CC2D2B: variants seen among roughly 807,000 people sequenced by gnomAD.
CC2D2B encodes the protein coiled-coil and C2 domain containing 2B.
In CC2D2B, 128 loss-of-function variants were observed where a neutral mutation model predicts 161.2. That is an observed-to-expected ratio of 0.79 (90% CI 0.69 to 0.92). The LOEUF (loss-of-function observed/expected upper bound fraction) is 0.92. Ranked by LOEUF, CC2D2B falls within the 40% of genes least tolerant of loss-of-function variation. The pLI, the probability that CC2D2B is intolerant of heterozygous loss-of-function variation, is 0.00. For synonymous variants in CC2D2B, 391 were observed against 449.8 expected, an observed-to-expected ratio of 0.87 and a Z score of 1.65; for missense variants, 1,173 against 1,375.1, an observed-to-expected ratio of 0.85 and a Z score of 2.32.
chr10:96,021,506 G>T (rs1015240273), intron 32 of CC2D2B: 5 of 152,258 alleles, frequency 3.3e-5, no homozygotes, highest in Admixed American at 6.5e-5. Context: ...AGCTTTGAAG[G>T]TTCCCCAGTT....
intron 27 of CC2D2B, 30 bp downstream of exon 27, chr10:96,012,397 A>T (rs571090048): frequency 1.0e-5 from 7 of 687,920 alleles, no homozygotes; most frequent in South Asian, 3.5e-5. Context: ...TCTTTTATAT[A>T]TACCATCAAA....
intron 9 of CC2D2B, among the ~76,000 whole-genome samples, chr10:95,939,374 T>G (rs2075942799): frequency 6.6e-6 from 1 of 152,300 alleles, no homozygotes; most frequent in East Asian, 1.9e-4. Context: ...ATACCTTTAT[T>G]TATTAACCAT....
intron 6 of CC2D2B, 133 bp downstream of exon 6, chr10:95,927,465 G>A: frequency 3.2e-6 from 2 of 619,604 alleles, no homozygotes; most frequent in Non-Finnish European, 5.8e-6. Context: ...TTTGAATTAA[G>A]AAGCTGTTCA....
At chr10:95,943,783 G>A (rs1290814025) in intron 9 of CC2D2B, among the ~76,000 whole-genome samples, 2 of 151,802 alleles carry the variant, frequency 1.3e-5, no homozygotes, top group African/African-American at 4.8e-5. Flanking sequence ...CTCTTATTAT[G>A]ACAGGTGATT....
intron 9 of CC2D2B, among the ~76,000 whole-genome samples, chr10:95,940,882 A>G (rs145201559): frequency 6.8e-4 from 104 of 152,310 alleles, no homozygotes; most frequent in Non-Finnish European, 1.1e-3. Context: ...AAATCCAATA[A>G]TTAATAAGGA....
At chr10:96,031,571 CA>C (rs766487903) in intron 34 of CC2D2B, among the ~76,000 whole-genome samples, 17 of 152,176 alleles carry the variant, frequency 1.1e-4, no homozygotes, top group Non-Finnish European at 2.4e-4. Context: ...GCTTTGGACT[CA>C]GACCTGGTTG....
chr10:95,993,048 C>T (rs183685079), intron 22 of CC2D2B: 1 of 165,512 alleles, frequency 6.0e-6, no homozygotes, highest in East Asian at 1.7e-4. Context: ...CACTGACTCT[C>T]TCAGTACTGG....
chr10:96,024,675 C>G (rs1314816625), intron 32 of CC2D2B, among the ~76,000 whole-genome samples, 178 bp from the exon 33 acceptor site: 1 of 151,982 alleles, frequency 6.6e-6, no homozygotes, highest in Non-Finnish European at 1.5e-5. Context: ...CCCCTATTCT[C>G]GTGAAGCAGT....
intron 26 of CC2D2B, 130 bp downstream of exon 26, chr10:96,010,053 ATGTTCTGGGCTTTTGAAG>A (rs1177740520): frequency 6.1e-5 from 37 of 603,274 alleles, no homozygotes; most frequent in African/African-American, 5.6e-4. Flanking sequence ...CTGTATTAGA[ATGTTCTGGGCTTTTGAAG>A]TGTTTGAAGA....
chr10:96,013,959 T>C, intron 29 of CC2D2B, 82 bp downstream of exon 29: 2 of 567,734 alleles, frequency 3.5e-6, no homozygotes, highest in Non-Finnish European at 5.4e-6. Flanking sequence ...TATGTATTTA[T>C]GTATTACTTT....
intron 9 of CC2D2B, among the ~76,000 whole-genome samples, chr10:95,939,627 C>G (rs1001615323): frequency 2.6e-5 from 4 of 152,164 alleles, no homozygotes; most frequent in Non-Finnish European, 5.9e-5. Flanking sequence ...GTTTCAGCTG[C>G]TTTATATTCC....
At chr10:95,947,497 A>G (rs1191706027) in intron 9 of CC2D2B, among the ~76,000 whole-genome samples, 1 of 151,960 alleles carries the variant, frequency 6.6e-6, no homozygotes, top group African/African-American at 2.4e-5. Flanking sequence ...TAATCCCAGC[A>G]CTTTGGGAGG....
At chr10:95,966,540 T>C (rs1429322727) in intron 14 of CC2D2B, among the ~76,000 whole-genome samples, 3 of 152,062 alleles carry the variant, frequency 2.0e-5, no homozygotes, top group Non-Finnish European at 2.9e-5. Flanking sequence ...ATCTAATACA[T>C]GCCTGAGGTG....
intron 22 of CC2D2B, among the ~76,000 whole-genome samples, chr10:95,994,283 A>G (rs2078141890): frequency 6.6e-6 from 1 of 152,018 alleles, no homozygotes; most frequent in African/African-American, 2.4e-5. Context: ...CCTTTTAGGT[A>G]GCCAAAGCAG....
Position 95,938,901 on chromosome 10 carries a change from A to T in CC2D2B, c.777A>T (p.Pro259=), listed in dbSNP as rs1294298242. 2.8e-6 allele frequency: 2 copies of T among 713,056 alleles called. No individual in the cohort carries two copies. Among genetic ancestry groups the T allele is most frequent in the South Asian group, 3.0e-5 (2 of 66,278 alleles). The allele number at this position is 713,056 out of a possible 1,614,324, so 44.2% of individuals were successfully genotyped here. The part of the protein sequence containing the change: ...RLNVRKEPLN[P]LLKTIYRKAV... ...ATGTAAGGAAGGAACCTTTAAATCC[A>T]TTACTTAAGACCATATACAGGAAGG... The change falls in exon 9 of 35, where the codon CCA becomes CCT. Residue 259 remains proline (P), a synonymous_variant. Coordinates refer to ENST00000646931, the MANE Select transcript of CC2D2B (RefSeq NM_001349008.3).
chr10:95,919,483 CCAAA>C (rs756348170), intron 2 of CC2D2B: 6 of 152,196 alleles, frequency 3.9e-5, no homozygotes, highest in African/African-American at 1.2e-4. Flanking sequence ...TCCCTTTTCT[CCAAA>C]CAAAGTGTCT....
intron 10 of CC2D2B, among the ~76,000 whole-genome samples, chr10:95,953,381 T>C (rs1163525824): frequency 1.3e-5 from 2 of 152,080 alleles, no homozygotes; most frequent in Admixed American, 1.3e-4. Flanking sequence ...TTTAAAAAAA[T>C]TTTAAGAAAC....
At chr10:96,024,574 A>G (rs1490504116) in intron 32 of CC2D2B, among the ~76,000 whole-genome samples, 1 of 152,228 alleles carries the variant, frequency 6.6e-6, no homozygotes, top group East Asian at 1.9e-4. Context: ...AGTAGCATCC[A>G]TAGTGTGTCA....
intron 15 of CC2D2B, among the ~76,000 whole-genome samples, chr10:95,969,928 GAGGGAGAGGAATCT>G (rs1268632632): frequency 1.3e-5 from 2 of 152,166 alleles, no homozygotes; most frequent in African/African-American, 4.8e-5. Context: ...AAGAGGCAGG[GAGGGAGAGGAATCT>G]AGTTAAGAGA....
Sources: gnomAD v4.1 joint callset for allele counts (sites outside exome capture counted in the v4.1 genomes callset) on GRCh38, gnomAD v4.1.1 for gene constraint, MANE v1.5 for transcripts, NCBI Gene and HGNC (gene_info 2026-07-23, HGNC 2026-07-21) for gene names.